The following PROSER2 variants were observed in gnomAD, a reference collection of about 807,000 sequenced individuals.
PROSER2 encodes proline and serine rich 2, also known as proline and serine-rich protein 2.
PROSER2 carries 18 observed loss-of-function variants against 14.6 expected under a neutral mutation model. The observed-to-expected ratio is 1.23, with a 90% CI of 0.85 to 1.83. The LOEUF is 1.83. PROSER2 is among the 40% of genes most tolerant of loss of function. PROSER2 has a pLI of 0.00. For missense variants in PROSER2, 823 were observed against 629.8 expected (o/e 1.31, Z -3.28); for synonymous variants, 367 against 286.4 (o/e 1.28, Z -2.84).
At chr10:11,860,967 G>A (rs1028634002) in intron 2 of PROSER2, among the ~76,000 whole-genome samples, 1 of 152,148 alleles carries the variant, frequency 6.6e-6, no homozygotes, top group Admixed American at 6.5e-5. Flanking sequence ...TTAACCGGGC[G>A]TGGTGGCGTG....
chr10:11,868,902 C>T lies in PROSER2; in HGVS notation c.392-588C>T, dbSNP rs531986712. Among the ~76,000 whole-genome samples, 16 of 152,322 alleles carry T rather than the reference C, an allele frequency of 1.1e-4. No individual in the cohort carries two copies. The East Asian group carries it at 1.5e-3, about 15-fold the overall frequency. On this transcript the variant is annotated intron_variant, in intron 3 of 3. Coordinates refer to ENST00000277570, the MANE Select transcript of PROSER2 (RefSeq NM_153256.4). ...CTGGCCTCAAGTGATCCACCTGCCT[C>T]GGCCTCCCAAAGTGCTGGGATTACA... is the stretch of plus-strand genomic sequence containing the variant.
chr10:11,867,588 C>T (rs1324724302), intron 3 of PROSER2, among the ~76,000 whole-genome samples: 1 of 152,240 alleles, frequency 6.6e-6, no homozygotes, highest in Non-Finnish European at 1.5e-5. Flanking sequence ...CGTGCTACTG[C>T]ACTCCAGCCT....
At chr10:11,859,418 G>GA (rs777958721) in intron 2 of PROSER2, among the ~76,000 whole-genome samples, 26 of 152,220 alleles carry the variant, frequency 1.7e-4, no homozygotes, top group Middle Eastern at 3.4e-3. Flanking sequence ...CAGAGTGAGA[G>GA]ACTGTCTCAA....
rs74116458 is a variant in PROSER2 at position 11,837,333 on chromosome 10, G to T, written c.-82+13863G>T. Among the ~76,000 whole-genome samples the T allele has an allele frequency of 6.6e-6, 1 of 152,178 alleles. No individual in the cohort carries two copies. The highest frequency in any genetic ancestry group is 1.5e-5 in the Non-Finnish European group (1 of 68,030). ...TTAGTTTTGCTGTCACACTTCATACGTTCAAGTTATGACCACTGTGTGACA... is the reference window on the plus strand; with the variant it reads ...TTAGTTTTGCTGTCACACTTCATACTTTCAAGTTATGACCACTGTGTGACA... On this transcript the variant is annotated intron_variant, in intron 1 of 3. Transcript: ENST00000277570. The surrounding 1 kb of genome is among the most constrained non-coding windows in gnomAD (Gnocchi z 4.6).
chr10:11,863,424 G>T (rs1452976256), intron 2 of PROSER2, among the ~76,000 whole-genome samples: 1 of 152,068 alleles, frequency 6.6e-6, no homozygotes, highest in African/African-American at 2.4e-5. Flanking sequence ...TGTAGTCCCA[G>T]CATCTCTGGA....
chr10:11,832,428 C>T (rs1207350470), intron 1 of PROSER2, among the ~76,000 whole-genome samples: 6 of 151,988 alleles, frequency 3.9e-5, no homozygotes, highest in Admixed American at 1.3e-4. Flanking sequence ...CTGTGGAGGC[C>T]CATTTTTAAG....
Position 11,836,417 on chromosome 10 carries a change from G to A in PROSER2, c.-82+12947G>A, listed in dbSNP as rs1209027155. 2.0e-5 allele frequency among the ~76,000 whole-genome samples: 3 copies of A among 152,034 alleles called. No homozygotes were observed. Among genetic ancestry groups the A allele is most frequent in the Non-Finnish European group, 4.4e-5 (3 of 68,014 alleles). On this transcript the variant is annotated intron_variant, in intron 1 of 3. Coordinates refer to ENST00000277570, the MANE Select transcript of PROSER2 (RefSeq NM_153256.4). The surrounding 1 kb of genome is among the most constrained non-coding windows in gnomAD (Gnocchi z 4.6). ...TCACCATGTTAGCCAGGCTGGTCTC[G>A]ATCTCCTGACCTCAGGTGATCCTCC...
chr10:11,824,267 A>C (rs1375314474), intron 1 of PROSER2, among the ~76,000 whole-genome samples: 2 of 152,222 alleles, frequency 1.3e-5, no homozygotes, highest in African/African-American at 2.4e-5. Flanking sequence ...CACCCTAAAC[A>C]GAGTAAAACG....
chr10:11,869,389 T>G lies in PROSER2; in HGVS notation c.392-101T>G, dbSNP rs1834417237. 2.4e-6 allele frequency: 2 copies of G among 842,358 alleles called. No individual in the cohort carries two copies. Among genetic ancestry groups the G allele is most frequent in the Non-Finnish European group, 3.9e-6 (2 of 510,802 alleles). 52.2% of individuals were successfully genotyped at this position (842,358 alleles called of 1,614,324 possible). ...ACAGGCAGCACCGGCGAAGTTGGTGTCAGGTCCAGGTTGAGGCTCTTTTCA... is the reference window on the plus strand; with the variant it reads ...ACAGGCAGCACCGGCGAAGTTGGTGGCAGGTCCAGGTTGAGGCTCTTTTCA... On this transcript the variant is annotated intron_variant, in intron 3 of 3. Coordinates refer to ENST00000277570, the MANE Select transcript of PROSER2 (RefSeq NM_153256.4). The surrounding 1 kb of genome is among the most constrained non-coding windows in gnomAD (Gnocchi z 4.4).
At chr10:11,844,350 A>T (rs1833895171) in intron 1 of PROSER2, among the ~76,000 whole-genome samples, 1 of 152,190 alleles carries the variant, frequency 6.6e-6, no homozygotes, top group Non-Finnish European at 1.5e-5. Flanking sequence ...TCATATGGTT[A>T]AAAAAGAAAA....
intron 1 of PROSER2, among the ~76,000 whole-genome samples, chr10:11,829,589 AAAAG>A (rs1488790359): frequency 2.0e-5 from 3 of 151,944 alleles, no homozygotes; most frequent in African/African-American, 4.8e-5. Flanking sequence ...CTCAAAAAAA[AAAAG>A]AGTGTTGTGC....
At chr10:11,824,965 C>G (rs772364110) in intron 1 of PROSER2, among the ~76,000 whole-genome samples, 89 of 152,126 alleles carry the variant, frequency 5.9e-4, no homozygotes, top group Non-Finnish European at 1.1e-3. Flanking sequence ...AGACTGACCA[C>G]CTACAGCGCG....
Position 11,869,513 on chromosome 10 carries a change from C to G in PROSER2, c.415C>G (p.His139Asp). Reference sequence around the variant, plus strand: ...AGGGCCTGCACCTGCTGGGAAGGAGCACAGGAAACAAGATGCTGAGACTCC... The same window carrying G: ...AGGGCCTGCACCTGCTGGGAAGGAGGACAGGAAACAAGATGCTGAGACTCC... ...AAGPAPAGKE[H>D]RKQDAETPPP... Residue 139 changes from histidine to aspartate, a missense_variant, in exon 4 of 4, where the codon CAC (histidine) becomes GAC (aspartate). Physicochemically the swap from His to Asp is moderately conservative, Grantham distance 81. Transcript: ENST00000277570. The surrounding 1 kb of genome is among the most constrained non-coding windows in gnomAD (Gnocchi z 4.4). 1 of 1,613,722 alleles carries G rather than the reference C, an allele frequency of 6.2e-7. No homozygotes were observed. Among genetic ancestry groups the G allele is most frequent in the Non-Finnish European group, 8.5e-7 (1 of 1,179,732 alleles).
In PROSER2 at chr10:11,830,390, G is replaced by A. The variant is rs1014678039; in HGVS notation, c.-82+6920G>A. ...CATTTTTATGGCTGAGTAGTCGTCC[G>A]TGGTGTTTATATACCACATTTTCTT... is the stretch of plus-strand genomic sequence containing the variant. On this transcript the variant is annotated intron_variant, in intron 1 of 3. Transcript: ENST00000277570. This position sits in a 1 kb window ranked among gnomAD's most constrained non-coding sequence, Gnocchi z 4.5. 6.6e-6 allele frequency among the ~76,000 whole-genome samples: 1 copy of A among 152,124 alleles called. No individual in the cohort carries two copies. Among genetic ancestry groups the A allele is most frequent in the Admixed American group, 6.5e-5 (1 of 15,282 alleles).
rs748090318 is a variant in PROSER2 at position 11,869,606 on chromosome 10, C to G, written c.508C>G (p.Pro170Ala). Residue 170 changes from proline (P) to alanine (A), a missense_variant, in exon 4 of 4, where the codon CCC (proline) becomes GCC (alanine). Physicochemically the swap from Pro to Ala is conservative, Grantham distance 27 (BLOSUM62 -1). Transcript: ENST00000277570. This position sits in a 1 kb window ranked among gnomAD's most constrained non-coding sequence, Gnocchi z 4.4. The part of the protein sequence containing the change: ...APPPLPSTPD[P>A]PRRELRAPSP... ...ACCACCCCTGCCTAGCACCCCCGAT[C>G]CCCCCAGGAGGGAGCTGCGCGCCCC... The G allele has an allele frequency of 1.2e-6, 2 of 1,602,604 alleles. No homozygotes were observed. Among genetic ancestry groups the G allele is most frequent in the Non-Finnish European group, 1.7e-6 (2 of 1,171,716 alleles).
rs372206239 is a variant in PROSER2 at position 11,840,864 on chromosome 10, AC to A, written c.-81-11132del. ...CGCTTGAACCAGGGAGGCGGAGGTTACAGTGAGCGAAGATTGCACCATTGCA... is the reference window on the plus strand; with the variant it reads ...CGCTTGAACCAGGGAGGCGGAGGTTAAGTGAGCGAAGATTGCACCATTGCA... On this transcript the variant is annotated intron_variant, in intron 1 of 3. Transcript: ENST00000277570. 2.0e-4 allele frequency among the ~76,000 whole-genome samples: 28 copies of A among 139,652 alleles called. No individual in the cohort carries two copies. In the East Asian group the frequency reaches 6.7e-3, roughly 33 times the overall value. 91.6% of individuals were successfully genotyped at this position (139,652 alleles called of 152,430 possible). A position where few individuals can be genotyped will look rare whatever the true frequency, so the allele number is the denominator to read the frequency against.
chr10:11,869,348 A>G lies in PROSER2; in HGVS notation c.392-142A>G. On this transcript the variant is annotated intron_variant, in intron 3 of 3. Transcript: ENST00000277570. This position sits in a 1 kb window ranked among gnomAD's most constrained non-coding sequence, Gnocchi z 4.4. ...TCCTTCCCTAGTCCCAGGAACAGGG[A>G]GAGAGGAGTTGACTCACAGGCAGCA... is the stretch of plus-strand genomic sequence containing the variant. 1.5e-6 allele frequency: 1 copy of G among 648,416 alleles called. No individual in the cohort carries two copies. Among genetic ancestry groups the G allele is most frequent in the South Asian group, 1.8e-5 (1 of 54,698 alleles). The allele number at this position is 648,416 out of a possible 1,614,324, so 40.2% of individuals were successfully genotyped here.
At position 11,851,995 on chromosome 10, in the gene PROSER2, A is replaced by G. The variant is rs1834026857; in HGVS notation, c.-81-2A>G. The G allele has an allele frequency of 6.8e-7, 1 of 1,461,096 alleles. No individual in the cohort carries two copies. The highest frequency in any genetic ancestry group is 1.4e-5 in the African/African-American group (1 of 70,938). 90.5% of individuals were successfully genotyped at this position (1,461,096 alleles called of 1,614,324 possible). The stretch of plus-strand genomic sequence containing the variant: ...ATTGTCATTCGTGTTTGGTGTCTCT[A>G]GGAGTGAGCTGTTGCCGCAGAATGG... On this transcript the variant is annotated splice_acceptor_variant, in intron 1 of 3. Transcript: ENST00000277570. LOFTEE classifies it low-confidence loss of function (5UTR_SPLICE).
rs1026910697 is a variant in PROSER2 at position 11,836,216 on chromosome 10, A to C, written c.-82+12746A>C. 5.3e-5 allele frequency among the ~76,000 whole-genome samples: 8 copies of C among 151,666 alleles called. No homozygotes were observed. Among genetic ancestry groups the C allele is most frequent in the Middle Eastern group, 6.8e-3 (2 of 292 alleles). The stretch of plus-strand genomic sequence containing the variant: ...CCGGCTAATTTTTTTTATTTTTTTG[A>C]GACAGAGTCTCACTCTGTTGGCCAG... On this transcript the variant is annotated intron_variant, in intron 1 of 3. Transcript: ENST00000277570. The surrounding 1 kb of genome is among the most constrained non-coding windows in gnomAD (Gnocchi z 4.6).
Sources: allele counts gnomAD v4.1 joint callset (sites outside exome capture counted in the v4.1 genomes callset), GRCh38; gene constraint gnomAD v4.1.1; non-coding constraint Gnocchi (gnomAD v3.1); transcripts MANE v1.5; gene names NCBI Gene and HGNC (gene_info 2026-07-23, HGNC 2026-07-21).